GALNT16: variants seen among roughly 807,000 people sequenced by gnomAD.
GALNT16 encodes UDP-GalNAc:polypeptide N-acetylgalactosaminyltransferase-like protein 1.
Under a neutral mutation model 76.1 loss-of-function variants are expected in GALNT16, and 40 were observed. The observed-to-expected ratio is 0.53, with a 90% CI of 0.41 to 0.68. The LOEUF (loss-of-function observed/expected upper bound fraction) is 0.68. GALNT16 is among the 30% of genes least tolerant of loss of function. The pLI is 0.00. For missense variants in GALNT16, 621 were observed against 731.9 expected (o/e 0.85, Z 1.75); for synonymous variants, 276 against 285.2 (o/e 0.97, Z 0.32).
At chr14:69,372,923 G>A in the GALNT16 span, among the ~76,000 whole-genome samples, 2 of 152,150 alleles carry the variant, frequency 1.3e-5, no homozygotes, top group African/African-American at 4.8e-5. Flanking sequence ...ACCTCCCATT[G>A]GGATTTGCAA....
chr14:69,338,437 G>T (rs1311571051), intron 9 of GALNT16, among the ~76,000 whole-genome samples: 1 of 152,236 alleles, frequency 6.6e-6, no homozygotes, highest in Non-Finnish European at 1.5e-5. Context: ...GGGATCATGT[G>T]TATATGTGTG....
chr14:69,383,948 G>A, the GALNT16 span, among the ~76,000 whole-genome samples: 11 of 152,234 alleles, frequency 7.2e-5, no homozygotes, highest in Admixed American at 4.6e-4. Flanking sequence ...AGGAGTTTGA[G>A]ACCAGCCTGG....
At chr14:69,320,063 G>C (rs1311859011) in intron 1 of GALNT16, among the ~76,000 whole-genome samples, 2 of 151,004 alleles carry the variant, frequency 1.3e-5, no homozygotes, top group Non-Finnish European at 3.0e-5. Flanking sequence ...TTGCCTTAGA[G>C]GTCTGGTGCA....
intron 1 of GALNT16, among the ~76,000 whole-genome samples, chr14:69,313,816 G>T (rs2045062632): frequency 8.4e-6 from 1 of 118,834 alleles, no homozygotes; most frequent in African/African-American, 2.6e-5. Context: ...CTGAGTTTCA[G>T]TTGGCTCTGC....
intron 2 of GALNT16, among the ~76,000 whole-genome samples, chr14:69,322,783 C>G (rs372758328): frequency 6.6e-6 from 1 of 152,026 alleles, no homozygotes; most frequent in African/African-American, 2.4e-5. Flanking sequence ...CTCAGCTACT[C>G]GGGAGGCTAA....
chr14:69,350,802 A>AGATG (rs1566891826), intron 14 of GALNT16: 1 of 152,374 alleles, frequency 6.6e-6, no homozygotes, highest in East Asian at 1.9e-4. Flanking sequence ...GAATGAGAGA[A>AGATG]GATGGAAGAG....
chr14:69,290,861 T>C (rs2044679279), intron 1 of GALNT16, among the ~76,000 whole-genome samples: 1 of 152,166 alleles, frequency 6.6e-6, no homozygotes, highest in Non-Finnish European at 1.5e-5. Flanking sequence ...ACAGTTAAAC[T>C]GTGTTAGAGG....
intron 1 of GALNT16, among the ~76,000 whole-genome samples, chr14:69,296,918 T>G (rs571011737): frequency 9.2e-5 from 14 of 152,346 alleles, no homozygotes; most frequent in South Asian, 8.3e-4. Flanking sequence ...TCTTTTTCAC[T>G]TAATAGTATA....
chr14:69,378,440 C>T, the GALNT16 span, among the ~76,000 whole-genome samples: 1 of 152,190 alleles, frequency 6.6e-6, no homozygotes, highest in Non-Finnish European at 1.5e-5. Flanking sequence ...AAAGGCCAAT[C>T]AACCAACACT....
intron 1 of GALNT16, among the ~76,000 whole-genome samples, chr14:69,286,173 G>A (rs549224535): frequency 2.6e-5 from 4 of 152,316 alleles, no homozygotes; most frequent in South Asian, 4.1e-4. Context: ...GGTAGGGCAC[G>A]CGGGACAAGG....
chr14:69,347,005 G>GA (rs750078866), intron 12 of GALNT16, 35 bp from the exon 13 acceptor site: 1 of 1,613,638 alleles, frequency 6.2e-7, no homozygotes, highest in East Asian at 2.2e-5. Context: ...CCTTGGGGGG[G>GA]AAAGCACAAG....
chr14:69,312,517 G>A (rs772701319), intron 1 of GALNT16, among the ~76,000 whole-genome samples: 7 of 152,136 alleles, frequency 4.6e-5, no homozygotes, highest in Non-Finnish European at 8.8e-5. Flanking sequence ...TTGAGGGACT[G>A]GTACCCTGAG....
At chr14:69,318,157 C>T (rs1448846840) in intron 1 of GALNT16, among the ~76,000 whole-genome samples, 2 of 152,236 alleles carry the variant, frequency 1.3e-5, no homozygotes, top group African/African-American at 4.8e-5. Context: ...ACCTGTCTCA[C>T]AGGTGAAGAG....
At chr14:69,314,748 A>G (rs1414257314) in intron 1 of GALNT16, among the ~76,000 whole-genome samples, 1 of 152,232 alleles carries the variant, frequency 6.6e-6, no homozygotes, top group Non-Finnish European at 1.5e-5. Context: ...AGAATCAGGT[A>G]AGATTTTACT....
intron 1 of GALNT16, among the ~76,000 whole-genome samples, chr14:69,308,634 G>A (rs942951440): frequency 2.0e-5 from 3 of 152,148 alleles, no homozygotes; most frequent in African/African-American, 7.2e-5. Context: ...ATTTACATGA[G>A]TTTAATTGTA....
intron 1 of GALNT16, among the ~76,000 whole-genome samples, chr14:69,295,644 CA>C (rs1334246055): frequency 6.6e-6 from 1 of 152,024 alleles, no homozygotes; most frequent in East Asian, 1.9e-4. Flanking sequence ...TGCTTGAACC[CA>C]GGGGGCAGAG....
chr14:69,327,891 C>A (rs1324245387), intron 5 of GALNT16, among the ~76,000 whole-genome samples: 1 of 152,166 alleles, frequency 6.6e-6, no homozygotes, highest in Non-Finnish European at 1.5e-5. Flanking sequence ...AGGCACCAAG[C>A]TCTGTCCCTG....
rs1271312950 is a variant in GALNT16, at chr14:69,260,415, G to GGGCA, written c.132_135dup (p.Arg46GlnfsTer25). 3 of 1,598,848 alleles carry GGGCA rather than the reference G, an allele frequency of 1.9e-6. No individual in the cohort carries two copies. In the African/African-American group the frequency reaches 4.0e-5, roughly 21 times the overall value. ...TCCTCCGGCGGCCGGGGCGCGCAGA[G>GGGCA]GGCAGGCAGGAGGTCGGAGCAGCTC... On this transcript the variant is annotated frameshift_variant, in exon 1 of 15. Coordinates refer to ENST00000448469, the MANE Select transcript of GALNT16 (RefSeq NM_001168368.2). LOFTEE classifies it high-confidence loss of function.
At chr14:69,299,054 T>C (rs193272543) in intron 1 of GALNT16, among the ~76,000 whole-genome samples, 18 of 152,324 alleles carry the variant, frequency 1.2e-4, no homozygotes, top group African/African-American at 4.1e-4. Flanking sequence ...GAAACATCTG[T>C]GTGCAGTTGA....
Sources: allele counts gnomAD v4.1 joint callset (sites outside exome capture counted in the v4.1 genomes callset), GRCh38; gene constraint gnomAD v4.1.1; transcripts MANE v1.5; gene names NCBI Gene and HGNC (gene_info 2026-07-23, HGNC 2026-07-21).